The following SH3GLB1 variants were observed in gnomAD, a reference collection of about 807,000 sequenced individuals.
The protein encoded by SH3GLB1 is SH3 domain containing GRB2 like, endophilin B1.
In SH3GLB1, 17 loss-of-function variants were observed where a neutral mutation model predicts 42.0. The ratio of observed to expected loss-of-function variants is 0.40; its 90% CI spans 0.28 to 0.61. The LOEUF (loss-of-function observed/expected upper bound fraction) is 0.61. Ranked by LOEUF, SH3GLB1 falls within the 20% of genes least tolerant of loss-of-function variation. The probability of loss-of-function intolerance (pLI) is 0.36; values close to 1 mark genes in which losing one functional copy is unlikely to be tolerated. For synonymous variants in SH3GLB1, 132 were observed against 146.6 expected (o/e 0.90, Z 0.72); for missense variants, 355 against 426.3 (o/e 0.83, Z 1.47).
chr1:86,738,003 G>A (rs190994537), intron 7 of SH3GLB1, among the ~76,000 whole-genome samples: 18 of 152,352 alleles, frequency 1.2e-4, no homozygotes, highest in Admixed American at 8.5e-4. Flanking sequence ...TCTTTACTCA[G>A]AGATGAGGCG....
chr1:86,727,802 A>T (rs1655274811), intron 5 of SH3GLB1, among the ~76,000 whole-genome samples: 1 of 152,038 alleles, frequency 6.6e-6, no homozygotes, highest in African/African-American at 2.4e-5. Context: ...TCCAAATTTG[A>T]TGGAAAATAT....
rs1653716284 is a variant in SH3GLB1 at position 86,704,789 on chromosome 1, C to G, written c.-111C>G. Reference sequence around the variant, plus strand: ...CGGCTGCGGGGCTGGCGCCGCCTCCCTCCACCTACCACGTCTGCCCTCGCC... The same window carrying G: ...CGGCTGCGGGGCTGGCGCCGCCTCCGTCCACCTACCACGTCTGCCCTCGCC... On this transcript the variant is annotated 5_prime_UTR_variant, in exon 1 of 9. Transcript: ENST00000370558. 3.4e-6 allele frequency: 2 copies of G among 583,468 alleles called. No homozygotes were observed. The highest frequency in any genetic ancestry group is 2.3e-5 in the South Asian group (1 of 44,236). The allele number at this position is 583,468 out of a possible 1,614,324, so 36.1% of individuals were successfully genotyped here.
At chr1:86,726,589 C>G (rs1250719804) in intron 5 of SH3GLB1, among the ~76,000 whole-genome samples, 1 of 151,952 alleles carries the variant, frequency 6.6e-6, no homozygotes, top group Non-Finnish European at 1.5e-5. Flanking sequence ...CTAGAACTTA[C>G]GTATTACATA....
intron 5 of SH3GLB1, among the ~76,000 whole-genome samples, chr1:86,730,810 AT>A (rs1655470475): frequency 6.6e-6 from 1 of 152,142 alleles, no homozygotes; most frequent in Non-Finnish European, 1.5e-5. Flanking sequence ...CCACAGATGA[AT>A]TTTTTAGGTA....
chr1:86,724,913 A>ATATATATAT lies in SH3GLB1; in HGVS notation c.570+508_570+509insTATATATAT, dbSNP rs1553208269. 4.7e-4 allele frequency among the ~76,000 whole-genome samples: 58 copies of ATATATATAT among 122,336 alleles called. 1 individual carries two copies. The highest frequency in any genetic ancestry group is 2.1e-3 in the African/African-American group (54 of 25,940). The allele number at this position is 122,336 out of a possible 152,430, so 80.3% of individuals were successfully genotyped here. ...AAAAAATATATATATATATATATAT[A>ATATATATAT]AAATATATAATATATATGTGTGTGT... On this transcript the variant is annotated intron_variant, in intron 5 of 8. Coordinates refer to ENST00000370558, the MANE Select transcript of SH3GLB1 (RefSeq NM_016009.5).
chr1:86,730,282 A>G, intron 5 of SH3GLB1: 2 of 985,342 alleles, frequency 2.0e-6, no homozygotes, highest in Non-Finnish European at 2.4e-6. Flanking sequence ...TAGAAGCTCC[A>G]CCAAGCAGTT....
At chr1:86,728,964 T>C (rs1360968540) in intron 5 of SH3GLB1, among the ~76,000 whole-genome samples, 1 of 152,164 alleles carries the variant, frequency 6.6e-6, no homozygotes, top group Non-Finnish European at 1.5e-5. Flanking sequence ...ACTCCTGTAA[T>C]GGCCAGGCTT....
At chr1:86,722,775 T>C in intron 4 of SH3GLB1, 102 bp downstream of exon 4, 2 of 951,624 alleles carry the variant, frequency 2.1e-6, no homozygotes, top group Admixed American at 3.4e-5. Context: ...TGTAGTGGAT[T>C]ACAAAATTAA....
intron 5 of SH3GLB1, among the ~76,000 whole-genome samples, chr1:86,729,433 G>C (rs1332222167): frequency 6.6e-6 from 1 of 151,994 alleles, no homozygotes; most frequent in Non-Finnish European, 1.5e-5. Flanking sequence ...ACCTTAGATA[G>C]CAAGAGAATG....
In SH3GLB1 at chr1:86,743,348, C is replaced by A. The variant is rs186477456; in HGVS notation, c.*113C>A. The A allele has an allele frequency of 2.1e-5, 12 of 570,442 alleles. No individual in the cohort carries two copies. In the East Asian group the frequency reaches 3.6e-4, roughly 17 times the overall value. 35.3% of individuals were successfully genotyped at this position (570,442 alleles called of 1,614,324 possible). A position where few individuals can be genotyped will look rare whatever the true frequency, so the allele number is the denominator to read the frequency against. ...TTAATGTGTTAAGAGACTGAAAATA[C>A]CAGCCATCAGAAACTGGCCTTTCTG... is the stretch of plus-strand genomic sequence containing the variant. On this transcript the variant is annotated 3_prime_UTR_variant, in exon 9 of 9. Transcript: ENST00000370558.
chr1:86,708,389 C>A (rs530736829), intron 1 of SH3GLB1, among the ~76,000 whole-genome samples: 3 of 152,064 alleles, frequency 2.0e-5, no homozygotes, highest in Non-Finnish European at 4.4e-5. Flanking sequence ...CAAATTGTAC[C>A]GTAAGGAATA....
chr1:86,718,238 G>A (rs942304078), intron 2 of SH3GLB1, among the ~76,000 whole-genome samples: 1 of 151,712 alleles, frequency 6.6e-6, no homozygotes, highest in African/African-American at 2.4e-5. Context: ...TAGAGACGGG[G>A]TTTCACCATG....
chr1:86,706,263 G>C (rs982769483), intron 1 of SH3GLB1, among the ~76,000 whole-genome samples: 1 of 152,218 alleles, frequency 6.6e-6, no homozygotes, highest in African/African-American at 2.4e-5. Flanking sequence ...AAGCATTCCA[G>C]ATTTAAGATA....
At position 86,719,863 on chromosome 1, in the gene SH3GLB1, G is replaced by A. The variant is rs1188439072; in HGVS notation, c.343+228G>A. ...AACAAAAAATTAGCTGGGTGTGGTGGCAGACACCTGTAGTCCCAGCTACTT... is the reference window on the plus strand; with the variant it reads ...AACAAAAAATTAGCTGGGTGTGGTGACAGACACCTGTAGTCCCAGCTACTT... On this transcript the variant is annotated intron_variant, in intron 3 of 8. Coordinates refer to ENST00000370558, the MANE Select transcript of SH3GLB1 (RefSeq NM_016009.5). 2.0e-5 allele frequency among the ~76,000 whole-genome samples: 3 copies of A among 151,774 alleles called. No homozygotes were observed. In the East Asian group the frequency reaches 5.8e-4, roughly 29 times the overall value.
intron 2 of SH3GLB1, among the ~76,000 whole-genome samples, chr1:86,717,915 A>G (rs1335758047): frequency 6.6e-6 from 1 of 152,254 alleles, no homozygotes; most frequent in Non-Finnish European, 1.5e-5. Context: ...TATTGAAATT[A>G]AACATTTATT....
chr1:86,708,258 G>C, intron 1 of SH3GLB1, among the ~76,000 whole-genome samples: 1 of 152,122 alleles, frequency 6.6e-6, no homozygotes, highest in East Asian at 1.9e-4. Context: ...TCAGTATAAT[G>C]CCAAAGTACC....
intron 7 of SH3GLB1, among the ~76,000 whole-genome samples, chr1:86,738,094 G>T (rs1191637789): frequency 6.6e-6 from 1 of 152,192 alleles, no homozygotes; most frequent in Non-Finnish European, 1.5e-5. Flanking sequence ...GAGGATAGGT[G>T]TTGGGTGGAA....
At chr1:86,717,857 A>G (rs1025411903) in intron 2 of SH3GLB1, among the ~76,000 whole-genome samples, 8 of 152,236 alleles carry the variant, frequency 5.3e-5, no homozygotes, top group African/African-American at 1.9e-4. Flanking sequence ...AGAAATACAT[A>G]TTACATTGTA....
intron 1 of SH3GLB1, among the ~76,000 whole-genome samples, chr1:86,705,285 C>T (rs569924874): frequency 3.9e-5 from 6 of 152,312 alleles, no homozygotes; most frequent in Non-Finnish European, 8.8e-5. Context: ...GCTCCTGTGG[C>T]CTCCACCCCG....
Sources: allele counts gnomAD v4.1 joint callset (sites outside exome capture counted in the v4.1 genomes callset), GRCh38; gene constraint gnomAD v4.1.1; transcripts MANE v1.5; gene names NCBI Gene and HGNC (gene_info 2026-07-23, HGNC 2026-07-21).